RGPD2: variants seen among roughly 807,000 people sequenced by gnomAD.
RGPD2 encodes RANBP2-like and GRIP domain-containing protein 2.
In RGPD2, 2 loss-of-function variants were observed where a neutral mutation model predicts 36.0. The ratio of observed to expected loss-of-function variants is 0.06; its 90% confidence interval spans 0.02 to 0.17. The LOEUF is 0.17. Ranked by LOEUF, RGPD2 falls within the 10% of genes least tolerant of loss-of-function variation. The pLI, the probability that RGPD2 is intolerant of heterozygous loss-of-function variation, is 1.00. For synonymous variants in RGPD2, 19 were observed against 163.8 expected (o/e 0.12, Z 6.75); for missense variants, 40 against 464.3 (o/e 0.09, Z 8.40).
the RGPD2 span, among the ~76,000 whole-genome samples, chr2:87,912,654 T>C: frequency 4.2e-5 from 3 of 71,922 alleles, no homozygotes; most frequent in Non-Finnish European, 8.3e-5. Context: ...CACAGGTATA[T>C]ATTTGGAGAG....
At chr2:87,989,558 T>C in the RGPD2 span, 1 of 413,440 alleles carries the variant, frequency 2.4e-6, no homozygotes. Flanking sequence ...AAAAGTAAAA[T>C]AGTGCCAAAA....
At position 87,772,572 on chromosome 2, in the gene RGPD2, A is replaced by G. The variant is rs200458866; in HGVS notation, c.5041-208T>C. Among the ~76,000 whole-genome samples, 19 of 41,710 alleles carry G rather than the reference A, an allele frequency of 4.6e-4. No individual in the cohort carries two copies. In the East Asian group the frequency reaches 0.015, roughly 32 times the overall value. The allele number at this position is 41,710 out of a possible 152,430, so 27.4% of individuals were successfully genotyped here. A position where few individuals can be genotyped will look rare whatever the true frequency, so the allele number is the denominator to read the frequency against. ...CATCACCGTATAAAATCCATTTGAC[A>G]TGAAAACCGGAACTCCAACTATGAG... is the stretch of plus-strand genomic sequence containing the variant. On this transcript the variant is annotated intron_variant, in intron 21 of 22. Transcript: ENST00000398146.
At chr2:87,834,750 C>T in the RGPD2 span, among the ~76,000 whole-genome samples, 1 of 151,900 alleles carries the variant, frequency 6.6e-6, no homozygotes, top group East Asian at 1.9e-4. Flanking sequence ...TGTTAAGATG[C>T]CCATATTCAT....
chr2:87,881,098 T>C, the RGPD2 span, among the ~76,000 whole-genome samples: 12 of 152,066 alleles, frequency 7.9e-5, no homozygotes, highest in African/African-American at 2.9e-4. Context: ...GTGGGCACAC[T>C]AGTGCAAGGG....
At chr2:87,983,419 A>G in the RGPD2 span, among the ~76,000 whole-genome samples, 2 of 121,610 alleles carry the variant, frequency 1.6e-5, no homozygotes, top group Non-Finnish European at 3.4e-5. Context: ...TGAAATAGAC[A>G]CAAACTCTTA....
the RGPD2 span, among the ~76,000 whole-genome samples, chr2:87,842,315 C>A: frequency 6.8e-6 from 1 of 146,884 alleles, no homozygotes; most frequent in Non-Finnish European, 1.5e-5. Context: ...AAAACCACAT[C>A]GTCTCAGCCC....
chr2:87,886,432 A>G, the RGPD2 span, among the ~76,000 whole-genome samples: 2 of 151,570 alleles, frequency 1.3e-5, no homozygotes, highest in African/African-American at 4.8e-5. Flanking sequence ...TAATACTACA[A>G]TGTAATCTGC....
At chr2:87,864,634 T>C in the RGPD2 span, among the ~76,000 whole-genome samples, 1 of 142,532 alleles carries the variant, frequency 7.0e-6, no homozygotes, top group Non-Finnish European at 1.5e-5. Flanking sequence ...ACATAGATGA[T>C]AGATAGTAAG....
the RGPD2 span, among the ~76,000 whole-genome samples, chr2:87,882,211 C>T: frequency 1.3e-5 from 2 of 151,904 alleles, no homozygotes; most frequent in Non-Finnish European, 2.9e-5. Flanking sequence ...TTCTGTTTTA[C>T]TCTAGTAATT....
the RGPD2 span, among the ~76,000 whole-genome samples, chr2:87,922,987 T>C: frequency 4.7e-4 from 72 of 152,076 alleles, no homozygotes; most frequent in African/African-American, 1.4e-3. Flanking sequence ...CCTGCCTTTT[T>C]AATATTATGT....
the RGPD2 span, among the ~76,000 whole-genome samples, chr2:87,915,348 TTATA>T: frequency 7.4e-6 from 1 of 135,296 alleles, no homozygotes; most frequent in Non-Finnish European, 1.6e-5. Context: ...ATAATGTATA[TTATA>T]TATATTATAT....
chr2:87,961,288 C>T, the RGPD2 span, among the ~76,000 whole-genome samples: 104 of 152,330 alleles, frequency 6.8e-4, no homozygotes, highest in Admixed American at 1.8e-3. Context: ...AAGCCACTGA[C>T]GTAGCCGGCG....
At chr2:87,866,797 G>A in the RGPD2 span, among the ~76,000 whole-genome samples, 1 of 152,006 alleles carries the variant, frequency 6.6e-6, no homozygotes, top group South Asian at 2.1e-4. Flanking sequence ...AGTCTCAGGG[G>A]CCAGGGGCCT....
At chr2:87,919,423 G>T in the RGPD2 span, among the ~76,000 whole-genome samples, 2 of 151,998 alleles carry the variant, frequency 1.3e-5, no homozygotes, top group Non-Finnish European at 2.9e-5. Context: ...TATCTGACTG[G>T]CCCTGAAGAG....
the RGPD2 span, among the ~76,000 whole-genome samples, chr2:87,888,170 C>T: frequency 1.3e-5 from 2 of 151,744 alleles, no homozygotes; most frequent in African/African-American, 4.8e-5. Flanking sequence ...TGTGAAACAG[C>T]TGCAACAGAA....
the RGPD2 span, among the ~76,000 whole-genome samples, chr2:87,835,960 G>A: frequency 7.7e-6 from 1 of 129,642 alleles, no homozygotes; most frequent in Non-Finnish European, 1.6e-5. Flanking sequence ...AGTGAGCCTA[G>A]TACAGAAAAA....
chr2:87,916,874 G>A, the RGPD2 span, among the ~76,000 whole-genome samples: 2 of 151,688 alleles, frequency 1.3e-5, no homozygotes, highest in Non-Finnish European at 2.9e-5. Flanking sequence ...TGTACCCAAC[G>A]GATGAACGAG....
At chr2:87,824,787 A>AGGCCGAGGCCGC (rs1686591497) in intron 1 of RGPD2, among the ~76,000 whole-genome samples, 7 of 16,490 alleles carry the variant, frequency 4.2e-4, no homozygotes, top group African/African-American at 2.6e-3. Context: ...GCCGAGGCCG[A>AGGCCGAGGCCGC]GGCCGAGGCC....
the RGPD2 span, among the ~76,000 whole-genome samples, chr2:87,840,944 A>G: frequency 6.6e-6 from 1 of 151,314 alleles, no homozygotes; most frequent in East Asian, 1.9e-4. Flanking sequence ...TGACACAATC[A>G]TGTTCTATCC....
Sources: allele counts gnomAD v4.1 joint callset (sites outside exome capture counted in the v4.1 genomes callset), GRCh38; gene constraint gnomAD v4.1.1; transcripts MANE v1.5; gene names NCBI Gene and HGNC (gene_info 2026-07-23, HGNC 2026-07-21).